Variants in MMP26 observed in about 807,000 individuals in gnomAD.
The protein encoded by MMP26 is matrix metallopeptidase 26, also known as matrix metalloproteinase-26.
A neutral mutation model predicts 31.0 loss-of-function variants in MMP26; 33 were observed. That is an observed-to-expected ratio of 1.06 (90% CI 0.81 to 1.42). The LOEUF (loss-of-function observed/expected upper bound fraction) is 1.42, where lower values mean the gene tolerates loss of function less well. Ranked by LOEUF, MMP26 falls within the 40% of genes most tolerant of loss-of-function variation. The pLI is 0.00. For synonymous variants in MMP26, 122 were observed against 114.9 expected (o/e 1.06, Z -0.40); for missense variants, 347 against 316.1 (o/e 1.10, Z -0.74).
At position 4,857,729 on chromosome 11, in the gene MMP26, G is replaced by T. The variant is rs1288542616; in HGVS notation, c.-145+90388G>T. ...AATCCTCCCTAAATCATTTTATGAG[G>T]CCAGCATCATCCTGATACCAAGGCC... On this transcript the variant is annotated intron_variant, in intron 2 of 7. Transcript: ENST00000380390. 3.9e-5 allele frequency among the ~76,000 whole-genome samples: 6 copies of T among 152,122 alleles called. No individual in the cohort carries two copies. In the East Asian group the frequency reaches 1.2e-3, roughly 29 times the overall value.
intron 2 of MMP26, among the ~76,000 whole-genome samples, chr11:4,780,152 T>G (rs1006105441): frequency 2.0e-5 from 3 of 152,178 alleles, no homozygotes; most frequent in African/African-American, 7.2e-5. Flanking sequence ...ATTGTTATTG[T>G]AAACTTTCTT....
In MMP26 at chr11:4,874,213, G is replaced by C. The variant is rs866007631; in HGVS notation, c.-145+106872G>C. 2.0e-5 allele frequency among the ~76,000 whole-genome samples: 3 copies of C among 152,080 alleles called. No individual in the cohort carries two copies. In the South Asian group the frequency reaches 6.2e-4, roughly 31 times the overall value. On this transcript the variant is annotated intron_variant, in intron 2 of 7. Coordinates refer to ENST00000380390, the MANE Select transcript of MMP26 (RefSeq NM_021801.5). Reference sequence around the variant, plus strand: ...AACATTTAAAATACGACTAGTACAAGTAAGGTGAAATTGTAATTTAATTTA... The same window carrying C: ...AACATTTAAAATACGACTAGTACAACTAAGGTGAAATTGTAATTTAATTTA...
chr11:4,706,888 T>C (rs1272866517), intron 1 of MMP26, among the ~76,000 whole-genome samples: 1 of 152,216 alleles, frequency 6.6e-6, no homozygotes, highest in South Asian at 2.1e-4. Context: ...GGTTCATCCA[T>C]GTTGTAGCAT....
intron 2 of MMP26, chr11:4,769,053 G>T: frequency 6.4e-7 from 1 of 1,554,054 alleles, no homozygotes; most frequent in Non-Finnish European, 8.7e-7. Context: ...ATGGGGTTGA[G>T]CACAGGGGGT....
intron 2 of MMP26, among the ~76,000 whole-genome samples, chr11:4,809,702 C>T (rs1849324754): frequency 6.6e-6 from 1 of 152,198 alleles, no homozygotes; most frequent in Non-Finnish European, 1.5e-5. Context: ...TCCTACCTTT[C>T]TCAGGTCTCC....
At chr11:4,779,501 G>A (rs1232493066) in intron 2 of MMP26, among the ~76,000 whole-genome samples, 2 of 151,862 alleles carry the variant, frequency 1.3e-5, no homozygotes, top group Admixed American at 1.3e-4. Context: ...AATAAGTTGG[G>A]AAGTATTCTT....
chr11:4,841,926 T>C (rs959708015), intron 2 of MMP26, among the ~76,000 whole-genome samples: 2 of 152,158 alleles, frequency 1.3e-5, no homozygotes, highest in African/African-American at 4.8e-5. Context: ...AGAGCAAAAC[T>C]CTGTCTCAAA....
chr11:4,895,421 C>A (rs1257266785), intron 2 of MMP26, among the ~76,000 whole-genome samples: 1 of 152,124 alleles, frequency 6.6e-6, no homozygotes, highest in Admixed American at 6.6e-5. Flanking sequence ...GACTGACTTC[C>A]GACCCTGTGA....
intron 2 of MMP26, among the ~76,000 whole-genome samples, chr11:4,836,643 A>G (rs1849722838): frequency 6.7e-6 from 1 of 150,184 alleles, no homozygotes; most frequent in Admixed American, 6.6e-5. Flanking sequence ...GCTTGGAATC[A>G]AAGACATCTT....
At chr11:4,895,925 A>G (rs1354195328) in intron 2 of MMP26, among the ~76,000 whole-genome samples, 1 of 152,190 alleles carries the variant, frequency 6.6e-6, no homozygotes, top group Non-Finnish European at 1.5e-5. Flanking sequence ...TTGGGGAAAA[A>G]GTACAAGGAG....
At chr11:4,972,166 A>G (rs754740537) in intron 2 of MMP26, among the ~76,000 whole-genome samples, 1 of 152,214 alleles carries the variant, frequency 6.6e-6, no homozygotes, top group Non-Finnish European at 1.5e-5. Flanking sequence ...ATCTAGAGTA[A>G]CCAGATATGG....
chr11:4,990,566 GAA>G (rs764155653), intron 4 of MMP26, 30 bp from the exon 5 acceptor site: 1 of 1,594,680 alleles, frequency 6.3e-7, no homozygotes, highest in African/African-American at 1.3e-5. Context: ...CCATTCCTCT[GAA>G]CTATTTCATT....
intron 2 of MMP26, among the ~76,000 whole-genome samples, chr11:4,910,846 G>T (rs1379147938): frequency 6.6e-6 from 1 of 151,810 alleles, no homozygotes; most frequent in African/African-American, 2.4e-5. Context: ...AAAAAAAACT[G>T]CTCATTACCT....
chr11:4,820,033 G>A (rs1359745500), intron 2 of MMP26, among the ~76,000 whole-genome samples: 1 of 152,078 alleles, frequency 6.6e-6, no homozygotes, highest in East Asian at 1.9e-4. Flanking sequence ...CAGTTCACAT[G>A]GAATTAACAT....
intron 2 of MMP26, among the ~76,000 whole-genome samples, chr11:4,894,275 A>G (rs1304977648): frequency 6.6e-6 from 1 of 152,158 alleles, no homozygotes; most frequent in African/African-American, 2.4e-5. Context: ...AGATTTGAAA[A>G]CTGAAGCATA....
intron 2 of MMP26, among the ~76,000 whole-genome samples, chr11:4,825,437 A>G (rs961731006): frequency 1.3e-5 from 2 of 152,098 alleles, no homozygotes; most frequent in African/African-American, 2.4e-5. Context: ...TGTCTGAATG[A>G]GATAAAGGTT....
chr11:4,980,930 A>T (rs1343559087), intron 2 of MMP26, among the ~76,000 whole-genome samples: 1 of 152,074 alleles, frequency 6.6e-6, no homozygotes, highest in Non-Finnish European at 1.5e-5. Flanking sequence ...TAAACATATT[A>T]AGAAGGACAG....
chr11:4,870,345 A>T lies in MMP26; in HGVS notation c.-145+103004A>T, dbSNP rs181344380. ...AAACATGTTGTTTAAATAAATAATG[A>T]CACTCAATTATATGGTCTATACCAT... On this transcript the variant is annotated intron_variant, in intron 2 of 7. Transcript: ENST00000380390. Among the ~76,000 whole-genome samples, 583 of 152,274 alleles carry T rather than the reference A, an allele frequency of 3.8e-3. 2 individuals are homozygous for T. Among genetic ancestry groups the T allele is most frequent in the Non-Finnish European group, 6.1e-3 (415 of 68,008 alleles).
intron 2 of MMP26, chr11:4,946,940 T>C: frequency 6.2e-7 from 1 of 1,606,146 alleles, no homozygotes; most frequent in Non-Finnish European, 8.5e-7. Flanking sequence ...CAAGGAGGGC[T>C]CTGTCTTGAT....
Sources: allele counts gnomAD v4.1 joint callset (sites outside exome capture counted in the v4.1 genomes callset), GRCh38; gene constraint gnomAD v4.1.1; transcripts MANE v1.5; gene names NCBI Gene and HGNC (gene_info 2026-07-23, HGNC 2026-07-21).